Variants in IGF1R observed in about 807,000 individuals in gnomAD.
IGF1R encodes insulin like growth factor 1 receptor, also known as insulin-like growth factor 1 receptor.
A neutral mutation model predicts 144.6 loss-of-function variants in IGF1R; 44 were observed. The ratio of observed to expected loss-of-function variants is 0.30; its 90% CI spans 0.24 to 0.39. The LOEUF (loss-of-function observed/expected upper bound fraction) is 0.39. IGF1R is among the 10% of genes least tolerant of loss of function. The probability of loss-of-function intolerance (pLI) is 1.00; values close to 1 mark genes in which losing one functional copy is unlikely to be tolerated. For missense variants in IGF1R, 1,355 were observed against 1,833.7 expected, an observed-to-expected ratio of 0.74 and a Z score of 4.77; for synonymous variants, 795 against 722.8, an observed-to-expected ratio of 1.10 and a Z score of -1.60.
intron 1 of IGF1R, among the ~76,000 whole-genome samples, chr15:98,662,063 T>A (rs540972065): frequency 7.6e-5 from 11 of 144,376 alleles, no homozygotes; most frequent in African/African-American, 2.8e-4. Context: ...TACTGCAACC[T>A]CTTCCTCCCA....
At position 98,844,150 on chromosome 15, in the gene IGF1R, A is replaced by G. The variant is rs143010986; in HGVS notation, c.641-47175A>G. Among the ~76,000 whole-genome samples the G allele has an allele frequency of 3.3e-5, 5 of 152,362 alleles. No individual in the cohort carries two copies. The East Asian group carries it at 5.8e-4, about 18-fold the overall frequency. Reference sequence around the variant, plus strand: ...AAAATAGAATTACATGAGATATGACATATGGCTATGTGTTTTATAAATTAA... The same window carrying G: ...AAAATAGAATTACATGAGATATGACGTATGGCTATGTGTTTTATAAATTAA... On this transcript the variant is annotated intron_variant, in intron 2 of 20. Coordinates refer to ENST00000650285, the MANE Select transcript of IGF1R (RefSeq NM_000875.5).
In IGF1R at chr15:98,704,126, C is replaced by T. The variant is rs918264955; in HGVS notation, c.95-3436C>T. Among the ~76,000 whole-genome samples, 3 of 152,180 alleles carry T rather than the reference C, an allele frequency of 2.0e-5. No individual in the cohort carries two copies. The South Asian group carries it at 6.2e-4, about 32-fold the overall frequency. On this transcript the variant is annotated intron_variant, in intron 1 of 20. Transcript: ENST00000650285. This position sits in a 1 kb window ranked among gnomAD's most constrained non-coding sequence, Gnocchi z 4.9. ...TGTCTTTTCCACACATGCCCAGATT[C>T]CCTCAGACACCTCCACAAAGGGTAA...
Position 98,927,134 on chromosome 15 carries a change from A to T in IGF1R, c.2783-2424A>T, listed in dbSNP as rs542646264. Among the ~76,000 whole-genome samples the T allele has an allele frequency of 9.2e-4, 140 of 152,322 alleles. 2 individuals carry two copies. Among genetic ancestry groups the T allele is most frequent in the African/African-American group, 3.2e-3 (135 of 41,586 alleles). ...TTAACCTTGTAAGTGCCAGGATGCC[A>T]GTGGGAAATCGGGAGTCCTTCTGAT... On this transcript the variant is annotated intron_variant, in intron 13 of 20. Coordinates refer to ENST00000650285, the MANE Select transcript of IGF1R (RefSeq NM_000875.5).
At chr15:98,762,111 T>A (rs750520094) in intron 2 of IGF1R, among the ~76,000 whole-genome samples, 1 of 152,244 alleles carries the variant, frequency 6.6e-6, no homozygotes, top group Non-Finnish European at 1.5e-5. Context: ...GTAGCTCACT[T>A]GGTCTGAATG....
At chr15:98,694,582 C>G (rs575129374) in intron 1 of IGF1R, among the ~76,000 whole-genome samples, 2 of 152,236 alleles carry the variant, frequency 1.3e-5, no homozygotes, top group East Asian at 1.9e-4. Context: ...GCCCCTCACA[C>G]TTCACTGCCT....
chr15:98,694,847 A>G (rs1203560338), intron 1 of IGF1R, among the ~76,000 whole-genome samples: 1 of 152,126 alleles, frequency 6.6e-6, no homozygotes. Flanking sequence ...CTTGCTGGGG[A>G]AAGTTTGAAC....
intron 2 of IGF1R, among the ~76,000 whole-genome samples, chr15:98,887,882 TG>T (rs926864715): frequency 1.3e-5 from 2 of 152,230 alleles, no homozygotes; most frequent in African/African-American, 4.8e-5. Context: ...TACGAAGGTC[TG>T]GGCATGTTGT....
intron 2 of IGF1R, among the ~76,000 whole-genome samples, chr15:98,742,893 C>T (rs923133579): frequency 3.3e-5 from 5 of 151,988 alleles, no homozygotes; most frequent in African/African-American, 1.2e-4. Flanking sequence ...AAGAATTAGC[C>T]AGGCTTGGTG....
intron 15 of IGF1R, among the ~76,000 whole-genome samples, chr15:98,933,398 C>T (rs1262787531): frequency 6.6e-6 from 1 of 151,962 alleles, no homozygotes; most frequent in Admixed American, 6.6e-5. Flanking sequence ...GGCTGGAGTG[C>T]AGTGGTGCAG....
chr15:98,902,225 T>A (rs998236969), intron 5 of IGF1R, among the ~76,000 whole-genome samples: 2 of 152,096 alleles, frequency 1.3e-5, no homozygotes, highest in Non-Finnish European at 2.9e-5. Flanking sequence ...AGTGCTTGTC[T>A]AAAGATCCCT....
intron 2 of IGF1R, among the ~76,000 whole-genome samples, chr15:98,862,763 A>C (rs1555454218): frequency 1.3e-5 from 2 of 152,192 alleles, no homozygotes; most frequent in Non-Finnish European, 2.9e-5. Flanking sequence ...TCATGCTGTA[A>C]GTTGTTTTCT....
In IGF1R at chr15:98,962,092, G is replaced by A; in HGVS notation, c.*4650G>A. 4.3e-6 allele frequency: 1 copy of A among 233,314 alleles called. No individual in the cohort carries two copies. Among genetic ancestry groups the A allele is most frequent in the Non-Finnish European group, 8.5e-6 (1 of 118,060 alleles). 14.5% of individuals were successfully genotyped at this position (233,314 alleles called of 1,614,324 possible). ...CACCTCTGCAGGCTGGCAGCCGAAT[G>A]GCTTGCCAGTGGCTCTGTGGCAAGA... On this transcript the variant is annotated 3_prime_UTR_variant, in exon 21 of 21. Transcript: ENST00000650285.
intron 2 of IGF1R, among the ~76,000 whole-genome samples, chr15:98,857,470 C>T (rs2141575572): frequency 6.6e-6 from 1 of 152,338 alleles, no homozygotes; most frequent in Non-Finnish European, 1.5e-5. Context: ...CCACCCACCT[C>T]GGCTTTCCAA....
At chr15:98,863,109 C>T (rs2012247988) in intron 2 of IGF1R, among the ~76,000 whole-genome samples, 1 of 152,170 alleles carries the variant, frequency 6.6e-6, no homozygotes, top group African/African-American at 2.4e-5. Flanking sequence ...TAGTCATTCA[C>T]GAAGTTCGCA....
chr15:98,696,942 G>T (rs1312971010), intron 1 of IGF1R, among the ~76,000 whole-genome samples: 1 of 152,222 alleles, frequency 6.6e-6, no homozygotes, highest in Non-Finnish European at 1.5e-5. Context: ...GGATGCCTCA[G>T]TGAAGAAGTC....
chr15:98,725,824 T>C (rs777535748), intron 2 of IGF1R, among the ~76,000 whole-genome samples: 57 of 152,284 alleles, frequency 3.7e-4, no homozygotes, highest in Middle Eastern at 3.4e-3. Context: ...TCTTACATGG[T>C]GGCAGCAAGA....
intron 2 of IGF1R, among the ~76,000 whole-genome samples, chr15:98,733,759 G>T (rs1288830103): frequency 6.6e-6 from 1 of 152,166 alleles, no homozygotes. Context: ...AGCTACTTCT[G>T]TTTCTGAAAT....
chr15:98,867,483 T>A (rs1355283446), intron 2 of IGF1R, among the ~76,000 whole-genome samples: 5 of 152,186 alleles, frequency 3.3e-5, no homozygotes, highest in Admixed American at 1.3e-4. Context: ...CTAAAGTCAC[T>A]GCTTGCACAC....
intron 1 of IGF1R, among the ~76,000 whole-genome samples, chr15:98,674,757 G>T (rs1187194149): frequency 6.6e-6 from 1 of 152,014 alleles, no homozygotes; most frequent in Non-Finnish European, 1.5e-5. Context: ...TAATCTCAAG[G>T]TAACCATTGT....
Sources: gnomAD v4.1 joint callset for allele counts (sites outside exome capture counted in the v4.1 genomes callset) on GRCh38, gnomAD v4.1.1 for gene constraint, Gnocchi (gnomAD v3.1) non-coding constraint, MANE v1.5 for transcripts, NCBI Gene and HGNC (gene_info 2026-07-23, HGNC 2026-07-21) for gene names.